NOX4: variants seen among roughly 807,000 people sequenced by gnomAD.
NOX4 encodes kidney oxidase-1.
A neutral mutation model predicts 87.6 loss-of-function variants in NOX4; 69 were observed. The ratio of observed to expected loss-of-function variants is 0.79; its 90% confidence interval spans 0.65 to 0.96. The LOEUF (loss-of-function observed/expected upper bound fraction) is 0.96, where lower values mean the gene tolerates loss of function less well. Among genes scored for constraint, NOX4 ranks in the 40% least tolerant of loss-of-function variants. NOX4 has a pLI of 0.00. For missense variants in NOX4, 680 were observed against 681.5 expected (o/e 1.00, Z 0.02); for synonymous variants, 275 against 238.2 (o/e 1.15, Z -1.42).
chr11:89,459,728 T>C lies in NOX4; in HGVS notation c.154-7833A>G, dbSNP rs568514642. On this transcript the variant is annotated intron_variant, in intron 2 of 17. Coordinates refer to ENST00000263317, the MANE Select transcript of NOX4 (RefSeq NM_016931.5). ...AGAATCAATATCGTGAAAATGGCCA[T>C]ACTGCCCAAGGTAATTTACAGATTC... 4.6e-5 allele frequency among the ~76,000 whole-genome samples: 7 copies of C among 152,228 alleles called. No individual in the cohort carries two copies. In the East Asian group the frequency reaches 9.7e-4, roughly 21 times the overall value.
At chr11:89,440,380 C>T (rs1462268870) in intron 6 of NOX4, among the ~76,000 whole-genome samples, 2 of 151,956 alleles carry the variant, frequency 1.3e-5, no homozygotes, top group African/African-American at 2.4e-5. Flanking sequence ...AGTGCAGTGG[C>T]GCGATCTCAG....
chr11:89,564,198 C>T, the NOX4 span, among the ~76,000 whole-genome samples: 2 of 152,260 alleles, frequency 1.3e-5, no homozygotes, highest in East Asian at 3.9e-4. Context: ...CTATAAAGAA[C>T]TACCTGAAAC....
chr11:89,554,747 C>T, the NOX4 span, among the ~76,000 whole-genome samples: 35 of 151,852 alleles, frequency 2.3e-4, no homozygotes, highest in Admixed American at 2.0e-3. Flanking sequence ...AGTTAGCAAT[C>T]GGTAGAAAGG....
chr11:89,513,808 T>C, the NOX4 span, among the ~76,000 whole-genome samples: 1 of 152,098 alleles, frequency 6.6e-6, no homozygotes. Flanking sequence ...ACTGAATGAA[T>C]GTGCAAGGAA....
chr11:89,459,962 G>A (rs1945376612), intron 2 of NOX4, among the ~76,000 whole-genome samples: 1 of 152,066 alleles, frequency 6.6e-6, no homozygotes, highest in Non-Finnish European at 1.5e-5. Flanking sequence ...CCAAAACAGA[G>A]ATATAGACCA....
the NOX4 span, among the ~76,000 whole-genome samples, chr11:89,516,253 C>A: frequency 5.9e-5 from 9 of 152,112 alleles, no homozygotes; most frequent in Admixed American, 5.9e-4. Context: ...TACAATGTTA[C>A]AGTTTTGGTT....
intron 17 of NOX4, among the ~76,000 whole-genome samples, chr11:89,333,065 T>C (rs763402054): frequency 2.6e-5 from 4 of 151,880 alleles, no homozygotes; most frequent in Non-Finnish European, 2.9e-5. Context: ...ACTGCAATAC[T>C]CTCACATGAG....
At position 89,431,616 on chromosome 11, in the gene NOX4, G is replaced by A. The variant is rs902821110; in HGVS notation, c.548+1168C>T. ...CATGAAAAAATGCTCATCATCACTG[G>A]CCATCAGAGAAATGCAAATCAAAAC... On this transcript the variant is annotated intron_variant, in intron 7 of 17. Transcript: ENST00000263317. Among the ~76,000 whole-genome samples the A allele has an allele frequency of 3.9e-5, 6 of 152,094 alleles. No individual in the cohort carries two copies. In the South Asian group the frequency reaches 6.2e-4, roughly 16 times the overall value.
At chr11:89,352,634 G>A (rs1357041876) in intron 13 of NOX4, among the ~76,000 whole-genome samples, 4 of 152,112 alleles carry the variant, frequency 2.6e-5, no homozygotes, top group Non-Finnish European at 2.9e-5. Context: ...ACTTTCAGGC[G>A]TCCATGACTT....
chr11:89,444,087 T>C (rs1417867209), intron 5 of NOX4, 48 bp downstream of exon 5: 10 of 1,504,730 alleles, frequency 6.6e-6, no homozygotes, highest in Non-Finnish European at 8.3e-6. Context: ...CCCTCATTAG[T>C]CATCTCATGA....
chr11:89,386,285 A>C (rs1385221253), intron 11 of NOX4, among the ~76,000 whole-genome samples: 2 of 152,072 alleles, frequency 1.3e-5, no homozygotes, highest in African/African-American at 2.4e-5. Context: ...TGTCTAGTCA[A>C]ACTCCTATTC....
intron 2 of NOX4, among the ~76,000 whole-genome samples, chr11:89,462,649 C>A (rs1293578965): frequency 1.3e-5 from 2 of 151,980 alleles, no homozygotes; most frequent in Non-Finnish European, 2.9e-5. Flanking sequence ...CATATGCAAA[C>A]AAAATCACGT....
intron 17 of NOX4, among the ~76,000 whole-genome samples, chr11:89,329,415 T>A (rs1945370314): frequency 3.9e-5 from 3 of 77,902 alleles, no homozygotes; most frequent in South Asian, 3.7e-4. Context: ...TACCAACTAG[T>A]CAAAACAACT....
Position 89,410,252 on chromosome 11 carries a change from A to G in NOX4, c.630-7710T>C, listed in dbSNP as rs183096717. ...GTTGCCATAATAACTAATTACCTAG[A>G]TAAGACTAAATATAAATGATAGTTA... On this transcript the variant is annotated intron_variant, in intron 8 of 17. Coordinates refer to ENST00000263317, the MANE Select transcript of NOX4 (RefSeq NM_016931.5). Among the ~76,000 whole-genome samples, 524 of 152,290 alleles carry G rather than the reference A, an allele frequency of 3.4e-3. 2 individuals carry two copies. The highest frequency in any genetic ancestry group is 5.5e-3 in the Non-Finnish European group (371 of 68,022).
chr11:89,397,306 C>A lies in NOX4; in HGVS notation c.1074+2711G>T, dbSNP rs551741107. Among the ~76,000 whole-genome samples the A allele has an allele frequency of 2.6e-5, 4 of 152,234 alleles. No homozygotes were observed. In the South Asian group the frequency reaches 8.3e-4, roughly 32 times the overall value. ...ACACAATATACCAGAATCTCTGGGA[C>A]ACATTTAAAGCAGTGTGTAGAGAGA... On this transcript the variant is annotated intron_variant, in intron 11 of 17. Coordinates refer to ENST00000263317, the MANE Select transcript of NOX4 (RefSeq NM_016931.5).
At chr11:89,519,507 A>G in the NOX4 span, among the ~76,000 whole-genome samples, 1 of 152,110 alleles carries the variant, frequency 6.6e-6, no homozygotes, top group Non-Finnish European at 1.5e-5. Context: ...TGTAAGATCT[A>G]TGAGAATTTT....
chr11:89,422,270 A>G (rs1330821230), intron 7 of NOX4, among the ~76,000 whole-genome samples: 3 of 151,366 alleles, frequency 2.0e-5, no homozygotes, highest in Non-Finnish European at 4.4e-5. Context: ...TATAAGGCTA[A>G]GAAGCAGATA....
At chr11:89,517,613 A>C in the NOX4 span, among the ~76,000 whole-genome samples, 1 of 150,394 alleles carries the variant, frequency 6.6e-6, no homozygotes, top group African/African-American at 2.4e-5. Context: ...AGCTAGGTAT[A>C]TGACACCACA....
At chr11:89,550,854 T>C in the NOX4 span, among the ~76,000 whole-genome samples, 1 of 152,348 alleles carries the variant, frequency 6.6e-6, no homozygotes, top group Non-Finnish European at 1.5e-5. Flanking sequence ...GTTTTAGTCA[T>C]GAAGACTTTG....
Sources: gnomAD v4.1 joint callset for allele counts (sites outside exome capture counted in the v4.1 genomes callset) on GRCh38, gnomAD v4.1.1 for gene constraint, MANE v1.5 for transcripts, NCBI Gene and HGNC (gene_info 2026-07-23, HGNC 2026-07-21) for gene names.